The following PTPRN2 variants were observed in gnomAD, a reference collection of about 807,000 sequenced individuals.
PTPRN2 encodes the protein protein tyrosine phosphatase receptor type N2.
In PTPRN2, 74 loss-of-function variants were observed where a neutral mutation model predicts 118.8. That is an observed-to-expected ratio of 0.62 (90% confidence interval 0.52 to 0.76). The LOEUF (loss-of-function observed/expected upper bound fraction) is 0.76, where lower values mean the gene tolerates loss of function less well. Ranked by LOEUF, PTPRN2 falls within the 30% of genes least tolerant of loss-of-function variation. The pLI is 0.00. For missense variants in PTPRN2, 1,481 were observed against 1,394.4 expected (o/e 1.06, Z -0.99); for synonymous variants, 641 against 608.0 (o/e 1.05, Z -0.80).
At chr7:157,623,114 TTC>T (rs1803368001) in intron 14 of PTPRN2, among the ~76,000 whole-genome samples, 1 of 152,250 alleles carries the variant, frequency 6.6e-6, no homozygotes, top group Non-Finnish European at 1.5e-5. Context: ...ATGCTACACA[TTC>T]TTTCTTTTGA....
At chr7:157,889,715 T>A (rs138063179) in intron 12 of PTPRN2, among the ~76,000 whole-genome samples, 1 of 152,380 alleles carries the variant, frequency 6.6e-6, no homozygotes, top group East Asian at 1.9e-4. Flanking sequence ...CCACTCAGCA[T>A]AAATTCCTGT....
rs1433831012 is a variant in PTPRN2 at position 157,953,279 on chromosome 7, C to T, written c.1724-54542G>A. Among the ~76,000 whole-genome samples, 1 of 152,172 alleles carries T rather than the reference C, an allele frequency of 6.6e-6. No individual in the cohort carries two copies. The highest frequency in any genetic ancestry group is 6.5e-5 in the Admixed American group (1 of 15,290). On this transcript the variant is annotated intron_variant, in intron 11 of 22. Coordinates refer to ENST00000389418, the MANE Select transcript of PTPRN2 (RefSeq NM_002847.5). The surrounding 1 kb of genome is among the most constrained non-coding windows in gnomAD (Gnocchi z 4.6). ...GGACAGGAGAGCCGGGTGTGAGAAG[C>T]CTCCTTCCTAGGGCCTGTGTCTCTG...
At chr7:158,402,045 G>A (rs145802893) in intron 2 of PTPRN2, among the ~76,000 whole-genome samples, 1 of 152,280 alleles carries the variant, frequency 6.6e-6, no homozygotes, top group East Asian at 1.9e-4. Flanking sequence ...TCTGACCGGT[G>A]CCCAGCAGGG....
rs115105187 is a variant in PTPRN2 at position 157,836,357 on chromosome 7, T to C, written c.1788+62316A>G. 2.0e-3 allele frequency among the ~76,000 whole-genome samples: 303 copies of C among 152,326 alleles called. 1 individual carries two copies. Among genetic ancestry groups the C allele is most frequent in the African/African-American group, 6.7e-3 (278 of 41,582 alleles). ...GAGGTATTTAGAAGAGCTTGCACCATTTCACATAGTAGTTAGATTTCTAGG... is the reference window on the plus strand; with the variant it reads ...GAGGTATTTAGAAGAGCTTGCACCACTTCACATAGTAGTTAGATTTCTAGG... On this transcript the variant is annotated intron_variant, in intron 12 of 22. Coordinates refer to ENST00000389418, the MANE Select transcript of PTPRN2 (RefSeq NM_002847.5).
At chr7:157,976,113 T>C (rs1402374105) in intron 11 of PTPRN2, among the ~76,000 whole-genome samples, 1 of 152,220 alleles carries the variant, frequency 6.6e-6, no homozygotes, top group Non-Finnish European at 1.5e-5. Context: ...CCACCCCAGC[T>C]CAGATGTCCT....
intron 2 of PTPRN2, among the ~76,000 whole-genome samples, chr7:158,400,000 G>A (rs1011620302): frequency 1.6e-4 from 25 of 152,194 alleles, no homozygotes; most frequent in African/African-American, 6.0e-4. Flanking sequence ...CAAACTCCCT[G>A]CATGCAAGAG....
chr7:157,666,117 A>G (rs1796125487), intron 13 of PTPRN2, among the ~76,000 whole-genome samples: 1 of 151,008 alleles, frequency 6.6e-6, no homozygotes, highest in Non-Finnish European at 1.5e-5. Flanking sequence ...CATGTACCCT[A>G]GAACTTAAAG....
intron 3 of PTPRN2, among the ~76,000 whole-genome samples, chr7:158,243,107 GT>G (rs1795989804): frequency 1.3e-5 from 2 of 152,112 alleles, no homozygotes; most frequent in Admixed American, 1.3e-4. Context: ...GTAATGTTAG[GT>G]TGATTAGAAA....
intron 12 of PTPRN2, among the ~76,000 whole-genome samples, chr7:157,776,538 T>TC: frequency 5.7e-5 from 1 of 17,606 alleles, no homozygotes; most frequent in Non-Finnish European, 1.2e-4. Context: ...CTCTCTCTCC[T>TC]TCTCCCTCTC....
chr7:158,196,781 G>A (rs1789312406), intron 4 of PTPRN2, among the ~76,000 whole-genome samples: 1 of 152,190 alleles, frequency 6.6e-6, no homozygotes, highest in Admixed American at 6.5e-5. Flanking sequence ...CTCCAGGCCA[G>A]AAGACGATGG....
rs1227475060 is a variant in PTPRN2, at chr7:158,544,346, G to A, written c.112+43212C>T. Among the ~76,000 whole-genome samples the A allele has an allele frequency of 6.6e-6, 1 of 152,028 alleles. No homozygotes were observed. ...CATAAACTTTCTTAAAACATTATGA[G>A]ATTTTTTGGCCGGGTGCGGTGGCTC... On this transcript the variant is annotated intron_variant, in intron 1 of 22. Transcript: ENST00000389418. The surrounding 1 kb of genome is among the most constrained non-coding windows in gnomAD (Gnocchi z 4.2).
chr7:158,211,023 C>T (rs1827553623), intron 3 of PTPRN2, among the ~76,000 whole-genome samples: 1 of 152,158 alleles, frequency 6.6e-6, no homozygotes, highest in South Asian at 2.1e-4. Context: ...GCCAATATCC[C>T]TGATGAATAT....
chr7:158,266,841 C>T (rs567324029), intron 3 of PTPRN2, among the ~76,000 whole-genome samples: 1 of 152,370 alleles, frequency 6.6e-6, no homozygotes, highest in East Asian at 1.9e-4. Context: ...AAACTTCATC[C>T]ATTGGCTGCA....
Position 157,813,759 on chromosome 7 carries a change from A to G in PTPRN2, c.1788+84914T>C, listed in dbSNP as rs1022086170. Among the ~76,000 whole-genome samples the G allele has an allele frequency of 9.9e-5, 15 of 152,214 alleles. No homozygotes were observed. The highest frequency in any genetic ancestry group is 3.6e-4 in the African/African-American group (15 of 41,454). On this transcript the variant is annotated intron_variant, in intron 12 of 22. Coordinates refer to ENST00000389418, the MANE Select transcript of PTPRN2 (RefSeq NM_002847.5). This position sits in a 1 kb window ranked among gnomAD's most constrained non-coding sequence, Gnocchi z 4.7. ...CTGCCCTGCGTGTGGCTGTCTACAC[A>G]GCACGCATTCCTTACCCCGGTGGTT...
rs1303369766 is a variant in PTPRN2, at chr7:157,944,926, CAG to C, written c.1724-46191_1724-46190del. ...TCCTGCCTAGTATTTATACAGTAAACAGAGACTCTGAAATAAACACCGTGCCG... is the reference window on the plus strand; with the variant it reads ...TCCTGCCTAGTATTTATACAGTAAACAGACTCTGAAATAAACACCGTGCCG... On this transcript the variant is annotated intron_variant, in intron 11 of 22. Transcript: ENST00000389418. This position sits in a 1 kb window ranked among gnomAD's most constrained non-coding sequence, Gnocchi z 4.3. Among the ~76,000 whole-genome samples the C allele has an allele frequency of 2.6e-5, 4 of 152,236 alleles. No homozygotes were observed. Among genetic ancestry groups the C allele is most frequent in the Admixed American group, 2.0e-4 (3 of 15,288 alleles).
chr7:157,544,024 G>C (rs1798140168), intron 22 of PTPRN2, among the ~76,000 whole-genome samples: 1 of 151,878 alleles, frequency 6.6e-6, no homozygotes, highest in African/African-American at 2.4e-5. Context: ...GAGAGACAGA[G>C]AGAGGTGGAG....
intron 12 of PTPRN2, among the ~76,000 whole-genome samples, chr7:157,805,380 G>A (rs1173931461): frequency 6.6e-6 from 1 of 151,854 alleles, no homozygotes; most frequent in African/African-American, 2.4e-5. Flanking sequence ...AGCTCATCAG[G>A]AATGAAAGGT....
intron 1 of PTPRN2, chr7:158,532,837 G>T: frequency 1.9e-6 from 1 of 534,040 alleles, no homozygotes. Context: ...GCACATGGCA[G>T]AGAGAATGTG....
chr7:157,651,765 G>A (rs781711343), intron 14 of PTPRN2, among the ~76,000 whole-genome samples: 8 of 152,244 alleles, frequency 5.3e-5, no homozygotes, highest in East Asian at 1.9e-4. Context: ...TTTGATAACC[G>A]TCCTGCGAAG....
Sources: gnomAD v4.1 joint callset for allele counts (sites outside exome capture counted in the v4.1 genomes callset) on GRCh38, gnomAD v4.1.1 for gene constraint, Gnocchi (gnomAD v3.1) non-coding constraint, MANE v1.5 for transcripts, NCBI Gene and HGNC (gene_info 2026-07-23, HGNC 2026-07-21) for gene names.